DIAPH1: variants seen among roughly 807,000 people sequenced by gnomAD.
DIAPH1 encodes diaphanous related formin 1, also known as protein diaphanous homolog 1.
DIAPH1 carries 46 observed loss-of-function variants against 140.7 expected under a neutral mutation model. That is an observed-to-expected ratio of 0.33 (90% CI 0.26 to 0.42). The LOEUF is 0.42. DIAPH1 is among the 10% of genes least tolerant of loss of function. The pLI, the probability that DIAPH1 is intolerant of heterozygous loss-of-function variation, is 1.00. For synonymous variants in DIAPH1, 565 were observed against 551.6 expected, an observed-to-expected ratio of 1.02 and a Z score of -0.34; for missense variants, 1,310 against 1,558.7, an observed-to-expected ratio of 0.84 and a Z score of 2.69.
In DIAPH1 at chr5:141,579,058, C is replaced by A. The variant is rs545014115; in HGVS notation, c.933+30G>T. ...AAGTCTGTCCATCTTGAATTCTATTCTTGGGCCCAGTTTCAGGGGATATAC... is the reference window on the plus strand; with the variant it reads ...AAGTCTGTCCATCTTGAATTCTATTATTGGGCCCAGTTTCAGGGGATATAC... On this transcript the variant is annotated intron_variant, in intron 9 of 27. Transcript: ENST00000389054. 3.3e-6 allele frequency: 5 copies of A among 1,526,366 alleles called. No homozygotes were observed. In the South Asian group the frequency reaches 5.6e-5, roughly 17 times the overall value. The allele number at this position is 1,526,366 out of a possible 1,614,324, so 94.6% of individuals were successfully genotyped here. A position where few individuals can be genotyped will look rare whatever the true frequency, so the allele number is the denominator to read the frequency against.
intron 16 of DIAPH1, among the ~76,000 whole-genome samples, chr5:141,572,808 C>T (rs559884619): frequency 1.2e-3 from 184 of 151,458 alleles, no homozygotes; most frequent in Middle Eastern, 3.4e-3. Context: ...TCACATCCTG[C>T]GGAATTGGGA....
At chr5:141,590,965 T>G (rs553171299) in intron 1 of DIAPH1, among the ~76,000 whole-genome samples, 1 of 152,266 alleles carries the variant, frequency 6.6e-6, no homozygotes, top group Admixed American at 6.5e-5. Context: ...AGGAAATCTT[T>G]CTAAAATGCC....
intron 18 of DIAPH1, among the ~76,000 whole-genome samples, chr5:141,570,900 G>A (rs2099895084): frequency 6.6e-6 from 1 of 152,074 alleles, no homozygotes. Context: ...ATCAGCTCTT[G>A]TAAAATAAAA....
chr5:141,600,906 T>A (rs2099900044), intron 1 of DIAPH1, among the ~76,000 whole-genome samples: 1 of 152,074 alleles, frequency 6.6e-6, no homozygotes, highest in South Asian at 2.1e-4. Context: ...TAGAACTGCC[T>A]TTTTTTTCTT....
chr5:141,575,466 T>C (rs903257319), intron 14 of DIAPH1, among the ~76,000 whole-genome samples: 24 of 152,092 alleles, frequency 1.6e-4, no homozygotes, highest in Non-Finnish European at 2.9e-4. Context: ...CTGTCCAACA[T>C]GGTGAACCCT....
intron 18 of DIAPH1, among the ~76,000 whole-genome samples, chr5:141,537,546 T>A (rs559866857): frequency 1.5e-5 from 2 of 137,050 alleles, no homozygotes; most frequent in South Asian, 2.3e-4. Context: ...GATATGACTA[T>A]ATATAGCAAT....
chr5:141,590,920 C>A (rs2099898298), intron 1 of DIAPH1, among the ~76,000 whole-genome samples: 1 of 152,044 alleles, frequency 6.6e-6, no homozygotes, highest in Non-Finnish European at 1.5e-5. Flanking sequence ...TCCCATCTGC[C>A]CCATACCACA....
intron 3 of DIAPH1, 125 bp downstream of exon 3, chr5:141,586,917 A>C: frequency 1.0e-6 from 1 of 996,196 alleles, no homozygotes; most frequent in Non-Finnish European, 1.6e-6. Flanking sequence ...TTAATATTAA[A>C]AAGTTCCATG....
intron 18 of DIAPH1, among the ~76,000 whole-genome samples, chr5:141,539,513 G>T (rs537715486): frequency 6.8e-6 from 1 of 146,330 alleles, no homozygotes; most frequent in Non-Finnish European, 1.5e-5. Context: ...CTTGTGATCC[G>T]CCCACCTCGG....
At chr5:141,582,441 G>A (rs1428304291) in intron 6 of DIAPH1, 66 bp from the exon 7 acceptor site, 4 of 1,231,754 alleles carry the variant, frequency 3.2e-6, no homozygotes, top group Non-Finnish European at 4.8e-6. Context: ...TTTTAATCTT[G>A]CAAACAAGGT....
intron 8 of DIAPH1, among the ~76,000 whole-genome samples, chr5:141,579,680 T>C (rs1029049007): frequency 3.9e-5 from 6 of 152,126 alleles, no homozygotes; most frequent in African/African-American, 1.2e-4. Flanking sequence ...CTGGGCGCAG[T>C]GGCTCACGCT....
chr5:141,534,197 T>C, intron 19 of DIAPH1, 138 bp downstream of exon 19: 1 of 695,348 alleles, frequency 1.4e-6, no homozygotes, highest in South Asian at 1.6e-5. Flanking sequence ...ATACTGAAAA[T>C]TCACTGTGCA....
At position 141,516,980 on chromosome 5, in the gene DIAPH1, T is replaced by A. The variant is rs1596330582; in HGVS notation, c.3690A>T (p.Thr1230=). Residue 1230 remains threonine, a synonymous_variant, in exon 28 of 28, where the codon ACA becomes ACT. Transcript: ENST00000389054. The part of the protein sequence containing the change: ...QANRKAGCAV[T]SLLASELTKD... ...TGGTCAGCTCCGAAGCTAGCAGAGA[T>A]GTGACTGCACACCCGGCCTTCCTGT... 6.2e-7 allele frequency: 1 copy of A among 1,614,248 alleles called. No homozygotes were observed. The highest frequency in any genetic ancestry group is 1.7e-4 in the Middle Eastern group (1 of 6,058).
At chr5:141,559,021 A>C (rs1232123761) in intron 18 of DIAPH1, among the ~76,000 whole-genome samples, 1 of 152,180 alleles carries the variant, frequency 6.6e-6, no homozygotes, top group Non-Finnish European at 1.5e-5. Context: ...AAAGATCAGA[A>C]CACTTAATAA....
In DIAPH1 at chr5:141,555,118, T is replaced by TAC. The variant is rs531882019; in HGVS notation, c.2482+16308_2482+16309dup. ...GACCTGAAATAAAGAAGAACTAAGATACACACACACGTCCCCCTCTGATTA... is the reference window on the plus strand; with the variant it reads ...GACCTGAAATAAAGAAGAACTAAGATACACACACACACGTCCCCCTCTGATTA... On this transcript the variant is annotated intron_variant, in intron 18 of 27. Coordinates refer to ENST00000389054, the MANE Select transcript of DIAPH1 (RefSeq NM_005219.5). Among the ~76,000 whole-genome samples, 420 of 152,248 alleles carry TAC rather than the reference T, an allele frequency of 2.8e-3. 2 individuals carry two copies. Among genetic ancestry groups the TAC allele is most frequent in the Admixed American group, 4.6e-3 (70 of 15,286 alleles).
chr5:141,534,600 C>G, intron 18 of DIAPH1, 167 bp from the exon 19 acceptor site: 1 of 636,300 alleles, frequency 1.6e-6, no homozygotes, highest in Non-Finnish European at 2.8e-6. Context: ...CCTTTTATTA[C>G]TGAACCTCCC....
Position 141,576,645 on chromosome 5 carries a change from GAACT to G in DIAPH1, c.1396+107_1396+110del, listed in dbSNP as rs1018505824. 7.5e-6 allele frequency: 6 copies of G among 804,592 alleles called. No homozygotes were observed. The African/African-American group carries it at 1.0e-4, about 14-fold the overall frequency. 49.8% of individuals were successfully genotyped at this position (804,592 alleles called of 1,614,324 possible). A position where few individuals can be genotyped will look rare whatever the true frequency, so the allele number is the denominator to read the frequency against. ...TATGACCTAAGAAAGGACAAAAATA[GAACT>G]ATCTGGGGACTGGAAAGGTATCTTC... On this transcript the variant is annotated intron_variant, in intron 13 of 27. Transcript: ENST00000389054.
intron 1 of DIAPH1, among the ~76,000 whole-genome samples, chr5:141,597,140 T>C (rs2099899449): frequency 6.6e-6 from 1 of 151,904 alleles, no homozygotes; most frequent in Admixed American, 6.6e-5. Context: ...ATCAAGGAAA[T>C]AAAGAAAATT....
At chr5:141,610,596 G>C (rs2099901669) in intron 1 of DIAPH1, among the ~76,000 whole-genome samples, 1 of 151,942 alleles carries the variant, frequency 6.6e-6, no homozygotes, top group South Asian at 2.1e-4. Context: ...ACTGTGCCCA[G>C]CCCAATTTTT....
Sources: allele counts gnomAD v4.1 joint callset (sites outside exome capture counted in the v4.1 genomes callset), GRCh38; gene constraint gnomAD v4.1.1; transcripts MANE v1.5; gene names NCBI Gene and HGNC (gene_info 2026-07-23, HGNC 2026-07-21).